The following SYN3 variants were observed in gnomAD, a reference collection of about 807,000 sequenced individuals.
SYN3 encodes the protein synapsin III.
SYN3 carries 35 observed loss-of-function variants against 65.8 expected under a neutral mutation model. The observed-to-expected ratio is 0.53, with a 90% CI of 0.41 to 0.70. The LOEUF (loss-of-function observed/expected upper bound fraction) is 0.70. Among genes scored for constraint, SYN3 ranks in the 30% least tolerant of loss-of-function variants. The pLI is 0.00. For synonymous variants in SYN3, 270 were observed against 292.9 expected (o/e 0.92, Z 0.80); for missense variants, 680 against 749.0 (o/e 0.91, Z 1.08).
intron 2 of SYN3, among the ~76,000 whole-genome samples, chr22:32,991,696 A>G (rs915349726): frequency 6.6e-6 from 1 of 152,056 alleles, no homozygotes; most frequent in Non-Finnish European, 1.5e-5. Flanking sequence ...GTCCCCTCTG[A>G]GCAGCTGCAC....
chr22:32,931,316 G>T, intron 4 of SYN3, 74 bp downstream of exon 4: 3 of 986,168 alleles, frequency 3.0e-6, no homozygotes, highest in South Asian at 1.3e-5. Context: ...GCAGGAAGTG[G>T]ACGGAGGGGT....
At chr22:32,765,305 C>T (rs1035950272) in intron 6 of SYN3, among the ~76,000 whole-genome samples, 1 of 152,108 alleles carries the variant, frequency 6.6e-6, no homozygotes, top group South Asian at 2.1e-4. Flanking sequence ...CCCCATCCCA[C>T]ACCCGCCACA....
intron 6 of SYN3, among the ~76,000 whole-genome samples, chr22:32,623,932 C>T (rs998880236): frequency 1.8e-4 from 28 of 152,144 alleles, no homozygotes; most frequent in African/African-American, 5.3e-4. Context: ...GTTTCAGATT[C>T]GACATTCTCC....
chr22:32,594,890 G>A (rs1055788246), intron 7 of SYN3, among the ~76,000 whole-genome samples: 4 of 152,162 alleles, frequency 2.6e-5, no homozygotes, highest in South Asian at 2.1e-4. Flanking sequence ...AATTATTCAC[G>A]TCTGGGTGGG....
At chr22:32,975,010 C>T (rs1482270142) in intron 3 of SYN3, among the ~76,000 whole-genome samples, 1 of 152,166 alleles carries the variant, frequency 6.6e-6, no homozygotes, top group Non-Finnish European at 1.5e-5. Context: ...ACCGCATTTC[C>T]TCCCACACAT....
intron 7 of SYN3, among the ~76,000 whole-genome samples, chr22:32,543,591 A>T (rs1405097215): frequency 6.6e-6 from 1 of 152,202 alleles, no homozygotes; most frequent in Non-Finnish European, 1.5e-5. Context: ...TCCCAGCTGC[A>T]GTGGCGGTGG....
intron 6 of SYN3, among the ~76,000 whole-genome samples, chr22:32,671,663 TCA>T (rs1312067341): frequency 1.3e-4 from 18 of 140,908 alleles, no homozygotes; most frequent in South Asian, 6.8e-4. Context: ...ACACACGCTG[TCA>T]CACACGCTCT....
intron 6 of SYN3, among the ~76,000 whole-genome samples, chr22:32,761,037 GTCCCAGCCAGCTCTTCAA>G (rs1042033986): frequency 7.5e-4 from 114 of 152,304 alleles, no homozygotes; most frequent in African/African-American, 2.6e-3. Flanking sequence ...GGTACACGGT[GTCCCAGCCAGCTCTTCAA>G]TCTAGAGGAC....
At chr22:32,672,410 G>A (rs1292705280) in intron 6 of SYN3, among the ~76,000 whole-genome samples, 4 of 152,352 alleles carry the variant, frequency 2.6e-5, no homozygotes, top group Admixed American at 1.3e-4. Context: ...TTCTCAGTGA[G>A]CAGTCATCAA....
In SYN3 at chr22:32,801,770, T is replaced by C; in HGVS notation, c.711+63145A>G. 3.5e-6 allele frequency: 1 copy of C among 285,618 alleles called. No homozygotes were observed. The highest frequency in any genetic ancestry group is 6.0e-6 in the Non-Finnish European group (1 of 165,804). The allele number at this position is 285,618 out of a possible 1,614,324, so 17.7% of individuals were successfully genotyped here. A position where few individuals can be genotyped will look rare whatever the true frequency, so the allele number is the denominator to read the frequency against. ...CTCCTCCTCCTCTTGCTCCTCCAGC[T>C]CCTGCTCCTTCGCCGGGAGGCCGCC... On this transcript the variant is annotated intron_variant, in intron 6 of 13. Transcript: ENST00000358763. This position sits in a 1 kb window ranked among gnomAD's most constrained non-coding sequence, Gnocchi z 4.7.
At chr22:32,664,584 CTTTTTTTTTT>C (rs71320943) in intron 6 of SYN3, among the ~76,000 whole-genome samples, 27 of 69,056 alleles carry the variant, frequency 3.9e-4, no homozygotes, top group Admixed American at 1.6e-3. Flanking sequence ...CAATTGGTCG[CTTTTTTTTTT>C]TTTTTTTTTT....
chr22:32,965,849 C>T (rs936174410), intron 3 of SYN3, among the ~76,000 whole-genome samples: 2 of 152,130 alleles, frequency 1.3e-5, no homozygotes, highest in African/African-American at 4.8e-5. Context: ...CGCCCGCCAC[C>T]ACACCCGGCT....
intron 6 of SYN3, among the ~76,000 whole-genome samples, chr22:32,783,794 A>AACAAACCAATCTCATCTTTGGC (rs894996409): frequency 6.6e-6 from 1 of 152,138 alleles, no homozygotes. Flanking sequence ...GGGGAAACTA[A>AACAAACCAATCTCATCTTTGGC]ACAAACCAAT....
chr22:32,558,573 T>C (rs1435293331), intron 7 of SYN3, among the ~76,000 whole-genome samples: 1 of 152,258 alleles, frequency 6.6e-6, no homozygotes, highest in Admixed American at 6.5e-5. Flanking sequence ...TTTCCTATCT[T>C]TTCCCTTCCC....
intron 1 of SYN3, among the ~76,000 whole-genome samples, chr22:33,010,957 T>C (rs899713031): frequency 6.6e-6 from 1 of 152,216 alleles, no homozygotes; most frequent in Non-Finnish European, 1.5e-5. Context: ...ACATGCTCAA[T>C]TCAAGTATTG....
At chr22:32,671,553 ACACACACACATGCTCTCAAACAAGTG>A (rs2060365136) in intron 6 of SYN3, among the ~76,000 whole-genome samples, 1 of 143,356 alleles carries the variant, frequency 7.0e-6, no homozygotes. Flanking sequence ...GCAGGTGCAC[ACACACACACATGCTCTCAAACAAGTG>A]CACACACACA....
At chr22:32,989,724 A>G (rs1386051622) in intron 2 of SYN3, among the ~76,000 whole-genome samples, 1 of 150,232 alleles carries the variant, frequency 6.7e-6, no homozygotes, top group Non-Finnish European at 1.5e-5. Flanking sequence ...AATCCCAGCT[A>G]CTCGGGAGGC....
At chr22:32,972,732 C>T (rs1360551655) in intron 3 of SYN3, among the ~76,000 whole-genome samples, 7 of 152,298 alleles carry the variant, frequency 4.6e-5, no homozygotes, top group African/African-American at 1.7e-4. Flanking sequence ...GTAGCCCACA[C>T]CTGTAATCCC....
chr22:32,767,775 T>C (rs1265498451), intron 6 of SYN3, among the ~76,000 whole-genome samples: 1 of 152,256 alleles, frequency 6.6e-6, no homozygotes, highest in African/African-American at 2.4e-5. Context: ...CACCAGATTT[T>C]GTCTTTGTAT....
Sources: allele counts gnomAD v4.1 joint callset (sites outside exome capture counted in the v4.1 genomes callset), GRCh38; gene constraint gnomAD v4.1.1; non-coding constraint Gnocchi (gnomAD v3.1); transcripts MANE v1.5; gene names NCBI Gene and HGNC (gene_info 2026-07-23, HGNC 2026-07-21).